The following SLC16A9 variants were observed in gnomAD, a reference collection of about 807,000 sequenced individuals.
SLC16A9 encodes monocarboxylate transporter 9.
Under a neutral mutation model 44.3 loss-of-function variants are expected in SLC16A9, and 26 were observed. The observed-to-expected ratio is 0.59, with a 90% CI of 0.43 to 0.81. SLC16A9 has a LOEUF of 0.81. Ranked by LOEUF, SLC16A9 falls within the 40% of genes least tolerant of loss-of-function variation. The pLI is 0.00. For synonymous variants in SLC16A9, 230 were observed against 225.1 expected, an observed-to-expected ratio of 1.02 and a Z score of -0.19; for missense variants, 559 against 595.8, an observed-to-expected ratio of 0.94 and a Z score of 0.64.
At chr10:59,687,970 A>AC (rs1840170883) in intron 1 of SLC16A9, among the ~76,000 whole-genome samples, 2 of 149,686 alleles carry the variant, frequency 1.3e-5, no homozygotes, top group Admixed American at 6.7e-5. Context: ...AACAACAACA[A>AC]AAAAAAAAAA....
chr10:59,700,903 C>CA (rs972808979), intron 1 of SLC16A9, among the ~76,000 whole-genome samples: 2 of 152,156 alleles, frequency 1.3e-5, no homozygotes, highest in African/African-American at 4.8e-5. Flanking sequence ...GAGCCCACTG[C>CA]AAGACTCTCC....
At chr10:59,707,325 AAGG>A (rs1840665175) in intron 1 of SLC16A9, among the ~76,000 whole-genome samples, 1 of 111,762 alleles carries the variant, frequency 8.9e-6, no homozygotes, top group East Asian at 3.6e-4. Context: ...AAGGGAAGGG[AAGG>A]GAAGGGAGGG....
chr10:59,679,613 T>C (rs939023127), intron 2 of SLC16A9, among the ~76,000 whole-genome samples: 7 of 152,230 alleles, frequency 4.6e-5, no homozygotes, highest in Admixed American at 6.5e-5. Flanking sequence ...TAAGCTACCT[T>C]ATTTAAAGTT....
intron 3 of SLC16A9, among the ~76,000 whole-genome samples, chr10:59,667,382 G>A (rs1415631040): frequency 6.6e-6 from 1 of 152,146 alleles, no homozygotes; most frequent in Non-Finnish European, 1.5e-5. Context: ...GGAGAATATA[G>A]CTGCCTTCTA....
chr10:59,692,670 C>A (rs1840277444), intron 1 of SLC16A9, among the ~76,000 whole-genome samples: 2 of 152,080 alleles, frequency 1.3e-5, no homozygotes, highest in Non-Finnish European at 1.5e-5. Flanking sequence ...AAAAAGCAAA[C>A]CTGTTCAGCC....
At chr10:59,665,292 A>G (rs1384363475) in intron 3 of SLC16A9, among the ~76,000 whole-genome samples, 1 of 152,188 alleles carries the variant, frequency 6.6e-6, no homozygotes, top group African/African-American at 2.4e-5. Context: ...GCCATAGTCT[A>G]ATAACTGAAT....
intron 1 of SLC16A9, among the ~76,000 whole-genome samples, chr10:59,687,893 G>C (rs1840167476): frequency 6.6e-6 from 1 of 151,600 alleles, no homozygotes; most frequent in Non-Finnish European, 1.5e-5. Flanking sequence ...CCAGGAGTTT[G>C]AGGTTACAGT....
chr10:59,661,862 C>T (rs1450100879), intron 4 of SLC16A9, among the ~76,000 whole-genome samples: 2 of 151,806 alleles, frequency 1.3e-5, no homozygotes, highest in Non-Finnish European at 2.9e-5. Flanking sequence ...TTTGACAAAC[C>T]TGACAAAAAC....
intron 3 of SLC16A9, among the ~76,000 whole-genome samples, chr10:59,671,120 C>G (rs1839739804): frequency 6.6e-6 from 1 of 152,188 alleles, no homozygotes; most frequent in Non-Finnish European, 1.5e-5. Context: ...GGAGCTTGCT[C>G]AAACTCACAG....
chr10:59,690,691 T>C (rs758222893), intron 1 of SLC16A9, among the ~76,000 whole-genome samples: 5 of 151,818 alleles, frequency 3.3e-5, no homozygotes, highest in Admixed American at 6.6e-5. Context: ...TCAAGAAAAA[T>C]GTGTTTCAAG....
At position 59,653,980 on chromosome 10, in the gene SLC16A9, A is replaced by G; in HGVS notation, c.1046T>C (p.Ile349Thr). The change falls in exon 5 of 6, where the codon ATA (isoleucine) becomes ACA (threonine). Residue 349 changes from isoleucine to threonine, a missense_variant. By Grantham distance (89) the Ile-to-Thr change is moderately conservative (BLOSUM62 -1). Transcript: ENST00000395348. ...TTTACCAACTGCTGTCATAATGCCTATAATGGAAATAAGTGGCATAATAAA... is the reference window on the plus strand; with the variant it reads ...TTTACCAACTGCTGTCATAATGCCTGTAATGGAAATAAGTGGCATAATAAA... ...EEFIMPLISI[I>T]GIMTAVGKLL... 1.2e-6 allele frequency: 2 copies of G among 1,613,930 alleles called. No individual in the cohort carries two copies. Among genetic ancestry groups the G allele is most frequent in the Non-Finnish European group, 1.7e-6 (2 of 1,180,010 alleles).
rs1169903726 is a variant in SLC16A9, at chr10:59,651,604, A to T, written c.*1168T>A. ...TATAGGGAATTCTGATGCATACCAA[A>T]GTTTAAAACCCATTTCTTTAGAAAA... On this transcript the variant is annotated 3_prime_UTR_variant, in exon 6 of 6. Transcript: ENST00000395348. 2.0e-5 allele frequency: 3 copies of T among 152,226 alleles called. No individual in the cohort carries two copies. Among genetic ancestry groups the T allele is most frequent in the Non-Finnish European group, 4.4e-5 (3 of 68,042 alleles). The allele number at this position is 152,226 out of a possible 1,614,324, so 9.4% of individuals were successfully genotyped here. A position where few individuals can be genotyped will look rare whatever the true frequency, so the allele number is the denominator to read the frequency against.
At position 59,684,106 on chromosome 10, in the gene SLC16A9, G is replaced by T; in HGVS notation, c.186C>A (p.Gly62=). The T allele has an allele frequency of 1.2e-6, 2 of 1,611,874 alleles. No homozygotes were observed. Among genetic ancestry groups the T allele is most frequent in the East Asian group, 4.5e-5 (2 of 44,830 alleles). The change falls in exon 2 of 6, where the codon GGC becomes GGA. Residue 62 remains glycine, a synonymous_variant. Transcript: ENST00000395348. ...AWVGSLASGV[G]LLASPVCSLC... ...AATTTATCCACTTACTTGCAAGCAA[G>T]CCAACTCCACTTGCCAGGGATCCAA... is the stretch of plus-strand genomic sequence containing the variant.
chr10:59,665,286 T>C (rs757411482), intron 3 of SLC16A9, among the ~76,000 whole-genome samples: 9 of 152,208 alleles, frequency 5.9e-5, no homozygotes, highest in Non-Finnish European at 1.3e-4. Flanking sequence ...AAATAAGCCA[T>C]AGTCTAATAA....
At chr10:59,666,935 A>G (rs1839633040) in intron 3 of SLC16A9, among the ~76,000 whole-genome samples, 1 of 151,880 alleles carries the variant, frequency 6.6e-6, no homozygotes, top group Non-Finnish European at 1.5e-5. Context: ...TGCATTTGAC[A>G]GCTTCCCAAT....
intron 3 of SLC16A9, among the ~76,000 whole-genome samples, chr10:59,667,292 C>A (rs1839642463): frequency 6.6e-6 from 1 of 152,298 alleles, no homozygotes; most frequent in South Asian, 2.1e-4. Context: ...TTTCTAATTA[C>A]ATCTTTGTAT....
At chr10:59,700,829 C>G (rs544210353) in intron 1 of SLC16A9, among the ~76,000 whole-genome samples, 2 of 152,278 alleles carry the variant, frequency 1.3e-5, no homozygotes, top group South Asian at 2.1e-4. Flanking sequence ...GTCAGCACAG[C>G]CTCCTCATTC....
rs143605133 is a variant in SLC16A9 at position 59,654,259 on chromosome 10, T to A, written c.767A>T (p.Asn256Ile). The change falls in exon 5 of 6, where the codon AAC becomes ATC. Residue 256 changes from asparagine to isoleucine, a missense_variant. Asn to Ile is a moderately radical substitution (Grantham distance 149, BLOSUM62 -3). Transcript: ENST00000395348. ...DWKQDSLLHK[N>I]PTVTHTKEPE... is the part of the protein sequence containing the mutation. ...CTCTTTTGTGTGTGTCACTGTGGGGTTTTTATGAAGTAGGCTGTCTTGTTT... is the reference window on the plus strand; with the variant it reads ...CTCTTTTGTGTGTGTCACTGTGGGGATTTTATGAAGTAGGCTGTCTTGTTT... 2.8e-5 allele frequency: 45 copies of A among 1,613,876 alleles called. No homozygotes were observed. In the African/African-American group the frequency reaches 5.5e-4, roughly 20 times the overall value.
chr10:59,692,923 C>A (rs1171644), intron 1 of SLC16A9, among the ~76,000 whole-genome samples: 148,607 of 152,342 alleles, frequency 0.98, 72,602 homozygotes, highest in Middle Eastern at 1. Context: ...ACAATAGGTA[C>A]ACAAATATAT....
Sources: allele counts gnomAD v4.1 joint callset (sites outside exome capture counted in the v4.1 genomes callset), GRCh38; gene constraint gnomAD v4.1.1; transcripts MANE v1.5; gene names NCBI Gene and HGNC (gene_info 2026-07-23, HGNC 2026-07-21).